SLC25A44: variants seen among roughly 807,000 people sequenced by gnomAD.
The protein encoded by SLC25A44 is solute carrier family 25 member 44, also known as solute carrier family 25, member 44.
Under a neutral mutation model 29.9 loss-of-function variants are expected in SLC25A44, and 17 were observed. That is an observed-to-expected ratio of 0.57 (90% confidence interval 0.39 to 0.85). The LOEUF (loss-of-function observed/expected upper bound fraction) is 0.85. SLC25A44 is among the 40% of genes least tolerant of loss of function. SLC25A44 has a pLI of 0.00. For synonymous variants in SLC25A44, 140 were observed against 151.8 expected, an observed-to-expected ratio of 0.92 and a Z score of 0.57; for missense variants, 302 against 398.4, an observed-to-expected ratio of 0.76 and a Z score of 2.06.
At chr1:156,202,461 C>T (rs915360111) in intron 2 of SLC25A44, among the ~76,000 whole-genome samples, 2 of 152,190 alleles carry the variant, frequency 1.3e-5, no homozygotes, top group African/African-American at 4.8e-5. Flanking sequence ...TGTGCTGTAG[C>T]CTGGGCAGGT....
chr1:156,204,816 G>A (rs186703049), intron 2 of SLC25A44, among the ~76,000 whole-genome samples: 64 of 152,062 alleles, frequency 4.2e-4, no homozygotes, highest in Middle Eastern at 3.4e-3. Context: ...TTTTTCTTGG[G>A]AGAAACAGGA....
chr1:156,203,374 A>G (rs1235491915), intron 2 of SLC25A44, among the ~76,000 whole-genome samples: 1 of 152,100 alleles, frequency 6.6e-6, no homozygotes, highest in Non-Finnish European at 1.5e-5. Context: ...ACTTGTCATA[A>G]TTTGCAGTTA....
Position 156,212,392 on chromosome 1 carries a change from T to G in SLC25A44, c.*1961T>G, listed in dbSNP as rs1033522211. The G allele has an allele frequency of 1.3e-5, 2 of 152,466 alleles. No individual in the cohort carries two copies. The highest frequency in any genetic ancestry group is 2.9e-5 in the Non-Finnish European group (2 of 68,064). The allele number at this position is 152,466 out of a possible 1,614,324, so 9.4% of individuals were successfully genotyped here. A position where few individuals can be genotyped will look rare whatever the true frequency, so the allele number is the denominator to read the frequency against. On this transcript the variant is annotated 3_prime_UTR_variant, in exon 4 of 4. Transcript: ENST00000359511. ...TTCTCCCTCAAGACTTTCCTTCTGTTTTGTTGTCTTGTGCAGTATTTTACA... is the reference window on the plus strand; with the variant it reads ...TTCTCCCTCAAGACTTTCCTTCTGTGTTGTTGTCTTGTGCAGTATTTTACA...
At chr1:156,209,180 T>C (rs962294000) in intron 3 of SLC25A44, among the ~76,000 whole-genome samples, 1 of 152,174 alleles carries the variant, frequency 6.6e-6, no homozygotes, top group Non-Finnish European at 1.5e-5. Context: ...AATAATAAAG[T>C]GCACAGGGTC....
At chr1:156,206,842 G>C (rs1358500176) in intron 2 of SLC25A44, among the ~76,000 whole-genome samples, 1 of 152,128 alleles carries the variant, frequency 6.6e-6, no homozygotes, top group African/African-American at 2.4e-5. Flanking sequence ...CCATGTCACT[G>C]GTTTTTAATG....
chr1:156,204,190 A>G (rs1262847210), intron 2 of SLC25A44, among the ~76,000 whole-genome samples: 4 of 149,280 alleles, frequency 2.7e-5, no homozygotes, highest in Non-Finnish European at 5.9e-5. Context: ...TTTTTTTAGT[A>G]GAGATGGGGT....
In SLC25A44 at chr1:156,199,947, A is replaced by G. The variant is rs779586906; in HGVS notation, c.100A>G (p.Ser34Gly). ...GGCAATGACAATGATGATCCGTGTC[A>G]GTGTCTACCCATTCACCCTCATCCG... The part of the protein sequence containing the change: ...GVAMTMMIRV[S>G]VYPFTLIRTR... Residue 34 changes from serine (S) to glycine (G), a missense_variant, in exon 2 of 4, where the codon AGT (serine) becomes GGT (glycine). Physicochemically the swap from Ser to Gly is moderately conservative, Grantham distance 56 (BLOSUM62 0). Coordinates refer to ENST00000359511, the MANE Select transcript of SLC25A44 (RefSeq NM_014655.4). 6.2e-7 allele frequency: 1 copy of G among 1,614,224 alleles called. No homozygotes were observed. The highest frequency in any genetic ancestry group is 1.1e-5 in the South Asian group (1 of 91,086).
chr1:156,199,138 A>G (rs973079846), intron 1 of SLC25A44: 1 of 152,250 alleles, frequency 6.6e-6, no homozygotes, highest in Non-Finnish European at 1.5e-5. Flanking sequence ...CTTTCTTCCA[A>G]TGCAGACGGG....
chr1:156,209,029 T>G (rs1208700957), intron 3 of SLC25A44, among the ~76,000 whole-genome samples: 3 of 152,164 alleles, frequency 2.0e-5, no homozygotes, highest in Non-Finnish European at 4.4e-5. Flanking sequence ...GAAGATAACC[T>G]TAACAGGTTG....
intron 2 of SLC25A44, among the ~76,000 whole-genome samples, chr1:156,204,700 C>G (rs1656822381): frequency 6.6e-6 from 1 of 152,072 alleles, no homozygotes; most frequent in Non-Finnish European, 1.5e-5. Context: ...GTTGGCCAGG[C>G]TGGTCTTGAA....
intron 2 of SLC25A44, among the ~76,000 whole-genome samples, chr1:156,205,598 C>G (rs1656885606): frequency 6.6e-6 from 1 of 152,150 alleles, no homozygotes; most frequent in African/African-American, 2.4e-5. Context: ...TCAGACTTCA[C>G]CTTCTTGGAA....
rs1461644554 is a variant in SLC25A44, at chr1:156,203,125, TCTGCTCTTCCTCA to T, written c.625+2664_625+2676del. 2.6e-5 allele frequency among the ~76,000 whole-genome samples: 4 copies of T among 152,180 alleles called. No individual in the cohort carries two copies. The East Asian group carries it at 5.8e-4, about 22-fold the overall frequency. On this transcript the variant is annotated intron_variant, in intron 2 of 3. Coordinates refer to ENST00000359511, the MANE Select transcript of SLC25A44 (RefSeq NM_014655.4). ...CTTTTCCAGCCCCACCTTGTGCCAC[TCTGCTCTTCCTCA>T]CTGCTCTTCCCTCAGTTCCTGGTAT...
chr1:156,210,262 T>A lies in SLC25A44; in HGVS notation c.776T>A (p.Ile259Asn), dbSNP rs757323140. 1.3e-6 allele frequency: 2 copies of A among 1,571,108 alleles called. No homozygotes were observed. Among genetic ancestry groups the A allele is most frequent in the East Asian group, 4.7e-5 (2 of 42,860 alleles). The change falls in exon 4 of 4, where the codon ATC becomes AAC. Residue 259 changes from isoleucine to asparagine, a missense_variant. By Grantham distance (149) the Ile-to-Asn change is moderately radical. Transcript: ENST00000359511. ...CAGGTTGAGGGCAAGAACTCCATCA[T>A]CCTGACCTTCAGACAGCTGATGGCA... Reference protein sequence around the residue: ...RVQVEGKNSIILTFRQLMAEE... With the variant: ...RVQVEGKNSINLTFRQLMAEE...
chr1:156,199,640 G>C, intron 1 of SLC25A44, 195 bp from the exon 2 acceptor site: 1 of 575,064 alleles, frequency 1.7e-6, no homozygotes, highest in South Asian at 2.3e-5. Context: ...GGACCAAGAA[G>C]GGGACAGTAT....
Position 156,210,177 on chromosome 1 carries a change from G to C in SLC25A44, c.754-63G>C, listed in dbSNP as rs1437392922. Reference sequence around the variant, plus strand: ...TCTCCCCACTTTAGCCTAAGGCAGAGGGAGATTGAGCAGAGGGGCTCTGAC... The same window carrying C: ...TCTCCCCACTTTAGCCTAAGGCAGACGGAGATTGAGCAGAGGGGCTCTGAC... On this transcript the variant is annotated intron_variant, in intron 3 of 3. Coordinates refer to ENST00000359511, the MANE Select transcript of SLC25A44 (RefSeq NM_014655.4). 3 of 1,237,946 alleles carry C rather than the reference G, an allele frequency of 2.4e-6. No individual in the cohort carries two copies. The East Asian group carries it at 7.6e-5, about 31-fold the overall frequency. The allele number at this position is 1,237,946 out of a possible 1,614,324, so 76.7% of individuals were successfully genotyped here.
Position 156,200,225 on chromosome 1 carries a change from CA to C in SLC25A44, c.379del (p.Thr127GlnfsTer6). 6.2e-7 allele frequency: 1 copy of C among 1,614,188 alleles called. No homozygotes were observed. On this transcript the variant is annotated frameshift_variant, in exon 2 of 4. Transcript: ENST00000359511. LOFTEE classifies it high-confidence loss of function. ...GSASLVAQSI[T>X]VPIDVVSQHL... Reference sequence around the variant, plus strand: ...CAGCCTCCCTTGTGGCCCAGAGCATCACAGTGCCCATTGATGTAGTCTCCCA... The same window carrying C: ...CAGCCTCCCTTGTGGCCCAGAGCATCCAGTGCCCATTGATGTAGTCTCCCA...
intron 2 of SLC25A44, among the ~76,000 whole-genome samples, chr1:156,206,153 T>C (rs1164215341): frequency 6.6e-6 from 1 of 152,202 alleles, no homozygotes; most frequent in African/African-American, 2.4e-5. Context: ...AGAAAGGGTA[T>C]GTAGTATGCA....
chr1:156,202,353 G>A (rs1169238152), intron 2 of SLC25A44, among the ~76,000 whole-genome samples: 1 of 152,132 alleles, frequency 6.6e-6, no homozygotes, highest in Non-Finnish European at 1.5e-5. Flanking sequence ...ATGTTCAGTG[G>A]CTTCCACTGC....
At chr1:156,199,801 T>G (rs1364572223) in intron 1 of SLC25A44, 34 bp from the exon 2 acceptor site, 30 of 1,568,738 alleles carry the variant, frequency 1.9e-5, no homozygotes, top group Non-Finnish European at 2.5e-5. Flanking sequence ...TCCACCCTCC[T>G]TCTTCACATC....
Sources: allele counts gnomAD v4.1 joint callset (sites outside exome capture counted in the v4.1 genomes callset), GRCh38; gene constraint gnomAD v4.1.1; transcripts MANE v1.5; gene names NCBI Gene and HGNC (gene_info 2026-07-23, HGNC 2026-07-21).